The following ADNP2 variants were observed in gnomAD, a reference collection of about 807,000 sequenced individuals.
ADNP2 encodes the protein ADNP homeobox 2.
In ADNP2, 8 loss-of-function variants were observed where a neutral mutation model predicts 16.4. The observed-to-expected ratio is 0.49, with a 90% CI of 0.29 to 0.88. The LOEUF (loss-of-function observed/expected upper bound fraction) is 0.88. Among genes scored for constraint, ADNP2 ranks in the 40% least tolerant of loss-of-function variants. ADNP2 has a pLI of 0.09. For synonymous variants in ADNP2, 637 were observed against 545.8 expected (o/e 1.17, Z -2.33); for missense variants, 1,397 against 1,395.1 (o/e 1.00, Z -0.02).
chr18:80,119,916 C>G (rs11661714), intron 2 of ADNP2, among the ~76,000 whole-genome samples: 27,000 of 152,156 alleles, frequency 0.18, 2,701 homozygotes, highest in Middle Eastern at 0.25. Flanking sequence ...CACCTCCCCC[C>G]CAACCCCCAA....
chr18:80,137,780 C>T lies in ADNP2; in HGVS notation c.2367C>T (p.Ser789=), dbSNP rs1461110875. The stretch of plus-strand genomic sequence containing the variant: ...ATATCAAAGGTCTTTCAGAGCACAG[C>T]AGGAATAGGCACCTGGGGAAGAAGA... ...FHDIKGLSEH[S]RNRHLGKKKL... The change falls in exon 4 of 4, where the codon AGC becomes AGT. Residue 789 remains serine, a synonymous_variant. Transcript: ENST00000262198. The surrounding 1 kb of genome is among the most constrained non-coding windows in gnomAD (Gnocchi z 4.2). The T allele has an allele frequency of 1.2e-6, 2 of 1,614,196 alleles. No individual in the cohort carries two copies. The highest frequency in any genetic ancestry group is 2.2e-5 in the East Asian group (1 of 44,890).
At chr18:80,110,265 C>T (rs556941062) in intron 1 of ADNP2, among the ~76,000 whole-genome samples, 3 of 152,166 alleles carry the variant, frequency 2.0e-5, no homozygotes, top group African/African-American at 7.2e-5. Context: ...TTTAACTGCC[C>T]TTTTAAATAC....
intron 1 of ADNP2, among the ~76,000 whole-genome samples, chr18:80,115,479 A>C (rs1261317659): frequency 6.6e-6 from 1 of 152,222 alleles, no homozygotes; most frequent in Non-Finnish European, 1.5e-5. Context: ...GTGTATGTGG[A>C]CACACACTCT....
Position 80,136,116 on chromosome 18 carries a change from T to G in ADNP2, c.703T>G (p.Leu235Val). The change falls in exon 4 of 4, where the codon TTG (leucine) becomes GTG (valine). Residue 235 changes from leucine (L) to valine (V), a missense_variant. By Grantham distance (32) the Leu-to-Val change is conservative. Transcript: ENST00000262198. ...CCAGGATGCGTTAATGTATCACATT[T>G]TGACATCAGACATACACAGAGATTT... ...SSQDALMYHI[L>V]TSDIHRDLEN... 1 of 1,614,220 alleles carries G rather than the reference T, an allele frequency of 6.2e-7. No homozygotes were observed. The highest frequency in any genetic ancestry group is 8.5e-7 in the Non-Finnish European group (1 of 1,180,008).
chr18:80,109,600 G>T (rs2052343434), intron 1 of ADNP2, 128 bp downstream of exon 1: 1 of 148,204 alleles, frequency 6.7e-6, no homozygotes, highest in Admixed American at 6.7e-5. Flanking sequence ...CACGCCCGCC[G>T]CCTGCCCTCG....
Position 80,137,396 on chromosome 18 carries a change from T to C in ADNP2, c.1983T>C (p.Ser661=). ...PMAGSMPGMP[S]PPVLVNAAQS... ...CCGGTTCCATGCCCGGCATGCCCTC[T>C]CCTCCAGTGCTGGTGAATGCTGCTC... Residue 661 remains serine, a synonymous_variant, in exon 4 of 4, where the codon TCT becomes TCC. Transcript: ENST00000262198. This position sits in a 1 kb window ranked among gnomAD's most constrained non-coding sequence, Gnocchi z 4.2. 4 of 1,614,152 alleles carry C rather than the reference T, an allele frequency of 2.5e-6. No homozygotes were observed. The highest frequency in any genetic ancestry group is 3.4e-6 in the Non-Finnish European group (4 of 1,180,048).
intron 1 of ADNP2, among the ~76,000 whole-genome samples, chr18:80,112,294 C>T (rs2052362629): frequency 6.6e-6 from 1 of 152,046 alleles, no homozygotes; most frequent in African/African-American, 2.4e-5. Flanking sequence ...ATTGTGGTAG[C>T]TTAGAATGGA....
chr18:80,132,364 GT>G (rs1318207249), intron 2 of ADNP2, among the ~76,000 whole-genome samples: 1 of 152,164 alleles, frequency 6.6e-6, no homozygotes, highest in African/African-American at 2.4e-5. Flanking sequence ...TCTTGTCACT[GT>G]TCTCTAAACA....
At chr18:80,112,610 T>G (rs2052364907) in intron 1 of ADNP2, among the ~76,000 whole-genome samples, 1 of 152,154 alleles carries the variant, frequency 6.6e-6, no homozygotes, top group Non-Finnish European at 1.5e-5. Context: ...AATAAAAAAG[T>G]GACAACTCCT....
rs1343085664 is a variant in ADNP2, at chr18:80,137,139, C to G, written c.1726C>G (p.Leu576Val). 2.5e-6 allele frequency: 4 copies of G among 1,614,124 alleles called. No homozygotes were observed. Among genetic ancestry groups the G allele is most frequent in the Admixed American group, 1.7e-5 (1 of 60,010 alleles). ...CAACCAGACTGTGGGCACCAACATT[C>G]TGCCTGTGAATCAGCCAGTGAGACC... ...QLNQTVGTNI[L>V]PVNQPVRPGA... Residue 576 changes from leucine to valine, a missense_variant, in exon 4 of 4, where the codon CTG (leucine) becomes GTG (valine). By Grantham distance (32) the Leu-to-Val change is conservative. This residue lies in a region of ADNP2 where 777 missense variants were observed against 719.4 expected (regional missense o/e 1.08). Transcript: ENST00000262198. This position sits in a 1 kb window ranked among gnomAD's most constrained non-coding sequence, Gnocchi z 4.2.
At position 80,136,606 on chromosome 18, in the gene ADNP2, C is replaced by T; in HGVS notation, c.1193C>T (p.Pro398Leu). ...SVLPINQTVR[P>L]GVLPLTQPVG... ...CTCCCCATAAATCAGACTGTTCGCC[C>T]TGGGGTTTTACCCCTCACCCAGCCT... Residue 398 changes from proline to leucine, a missense_variant, in exon 4 of 4, where the codon CCT (proline) becomes CTT (leucine). Pro to Leu is a moderately conservative substitution (Grantham distance 98). Around this residue, in one of 3 missense-constraint regions of ADNP2, gnomAD observed 777 missense variants for 719.4 expected, o/e 1.08. Transcript: ENST00000262198. The T allele has an allele frequency of 1.2e-6, 2 of 1,614,218 alleles. No individual in the cohort carries two copies. The highest frequency in any genetic ancestry group is 1.1e-5 in the South Asian group (1 of 91,082).
In ADNP2 at chr18:80,136,326, G is replaced by T. The variant is rs372770642; in HGVS notation, c.913G>T (p.Ala305Ser). 10 of 1,614,062 alleles carry T rather than the reference G, an allele frequency of 6.2e-6. No individual in the cohort carries two copies. The highest frequency in any genetic ancestry group is 1.3e-5 in the African/African-American group (1 of 75,062). Reference protein sequence around the residue: ...ALPQNSPSPAAGQPVTVAQGA... With the variant: ...ALPQNSPSPASGQPVTVAQGA... ...GCCACAGAACAGTCCAAGCCCAGCCGCAGGACAGCCAGTGACTGTGGCCCA... is the reference window on the plus strand; with the variant it reads ...GCCACAGAACAGTCCAAGCCCAGCCTCAGGACAGCCAGTGACTGTGGCCCA... The change falls in exon 4 of 4, where the codon GCA (alanine) becomes TCA (serine). Residue 305 changes from alanine to serine, a missense_variant. This residue lies in a region of ADNP2 where 777 missense variants were observed against 719.4 expected (regional missense o/e 1.08). Transcript: ENST00000262198.
intron 1 of ADNP2, among the ~76,000 whole-genome samples, chr18:80,110,813 G>A (rs2052352568): frequency 6.6e-6 from 1 of 152,152 alleles, no homozygotes; most frequent in African/African-American, 2.4e-5. Flanking sequence ...AAGAAAGGAA[G>A]TACAAGAGTG....
At chr18:80,131,938 C>A (rs1045084254) in intron 2 of ADNP2, among the ~76,000 whole-genome samples, 1 of 152,146 alleles carries the variant, frequency 6.6e-6, no homozygotes, top group African/African-American at 2.4e-5. Flanking sequence ...AAGATACATG[C>A]ACATGTATGT....
chr18:80,137,116 A>C lies in ADNP2; in HGVS notation c.1703A>C (p.Asn568Thr), dbSNP rs1213423310. Residue 568 changes from asparagine to threonine, a missense_variant, in exon 4 of 4, where the codon AAC (asparagine) becomes ACC (threonine). Coordinates refer to ENST00000262198, the MANE Select transcript of ADNP2 (RefSeq NM_014913.4). The surrounding 1 kb of genome is among the most constrained non-coding windows in gnomAD (Gnocchi z 4.2). ...GTGAGGCCTGGGGTCTTGCAACTCA[A>C]CCAGACTGTGGGCACCAACATTCTG... The part of the protein sequence containing the change: ...QPVRPGVLQL[N>T]QTVGTNILPV... 4 of 1,614,178 alleles carry C rather than the reference A, an allele frequency of 2.5e-6. No homozygotes were observed. In the South Asian group the frequency reaches 4.4e-5, roughly 18 times the overall value.
At chr18:80,111,502 C>T (rs987842587) in intron 1 of ADNP2, among the ~76,000 whole-genome samples, 2 of 151,220 alleles carry the variant, frequency 1.3e-5, no homozygotes. Context: ...TGCGATTTCA[C>T]AGGAACTAAA....
intron 2 of ADNP2, among the ~76,000 whole-genome samples, chr18:80,124,847 G>A (rs2052448133): frequency 6.6e-6 from 1 of 152,120 alleles, no homozygotes; most frequent in African/African-American, 2.4e-5. Flanking sequence ...GTTTATGCGT[G>A]AGTCTTATTT....
At position 80,139,069 on chromosome 18, in the gene ADNP2, T is replaced by C. The variant is rs1262933388; in HGVS notation, c.*260T>C. The C allele has an allele frequency of 2.9e-6, 1 of 339,322 alleles. No individual in the cohort carries two copies. The allele number at this position is 339,322 out of a possible 1,614,324, so 21.0% of individuals were successfully genotyped here. A position where few individuals can be genotyped will look rare whatever the true frequency, so the allele number is the denominator to read the frequency against. On this transcript the variant is annotated 3_prime_UTR_variant, in exon 4 of 4. Transcript: ENST00000262198. The stretch of plus-strand genomic sequence containing the variant: ...TTCTCTGTCATGTAAATGAAATCTT[T>C]TGATATTTCATGCACGCCTTGTTTT...
At chr18:80,125,989 A>C (rs764874983) in intron 2 of ADNP2, among the ~76,000 whole-genome samples, 3 of 151,966 alleles carry the variant, frequency 2.0e-5, no homozygotes, top group Non-Finnish European at 2.9e-5. Flanking sequence ...GAAGTTTGCC[A>C]GTCCTTTTTA....
Sources: allele counts gnomAD v4.1 joint callset (sites outside exome capture counted in the v4.1 genomes callset), GRCh38; gene constraint gnomAD v4.1.1; regional missense constraint gnomAD v4.1.1; non-coding constraint Gnocchi (gnomAD v3.1); transcripts MANE v1.5; gene names NCBI Gene and HGNC (gene_info 2026-07-23, HGNC 2026-07-21).